Variants in MYOF observed in about 807,000 individuals in gnomAD.
MYOF encodes fer-1-like 3, myoferlin.
In MYOF, 244 loss-of-function variants were observed where a neutral mutation model predicts 284.2. The ratio of observed to expected loss-of-function variants is 0.86; its 90% CI spans 0.77 to 0.95. The LOEUF (loss-of-function observed/expected upper bound fraction) is 0.95, where lower values mean the gene tolerates loss of function less well. Among genes scored for constraint, MYOF ranks in the 40% least tolerant of loss-of-function variants. The pLI is 0.00. For missense variants in MYOF, 2,496 were observed against 2,560.6 expected, an observed-to-expected ratio of 0.97 and a Z score of 0.54; for synonymous variants, 904 against 919.7, an observed-to-expected ratio of 0.98 and a Z score of 0.31.
At chr10:93,412,931 C>G (rs539570482) in intron 5 of MYOF, among the ~76,000 whole-genome samples, 1 of 152,104 alleles carries the variant, frequency 6.6e-6, no homozygotes, top group Non-Finnish European at 1.5e-5. Context: ...TGTCCTGGAC[C>G]GAGCAATGGC....
At chr10:93,314,635 A>G (rs1183697704) in intron 50 of MYOF, among the ~76,000 whole-genome samples, 1 of 152,104 alleles carries the variant, frequency 6.6e-6, no homozygotes, top group Non-Finnish European at 1.5e-5. Context: ...AAGACACGTG[A>G]CCTTAGCCTT....
rs756576134 is a variant in MYOF, at chr10:93,389,146, C to G, written c.1465G>C (p.Gly489Arg). The G allele has an allele frequency of 6.2e-7, 1 of 1,613,010 alleles. No homozygotes were observed. The highest frequency in any genetic ancestry group is 1.7e-5 in the Admixed American group (1 of 59,822). Residue 489 changes from glycine (G) to arginine (R), a missense_variant, in exon 18 of 54, where the codon GGA (glycine) becomes CGA (arginine). By Grantham distance (125) the Gly-to-Arg change is moderately radical. Transcript: ENST00000359263. Reference protein sequence around the residue: ...TGAASYTVNTGETEVGFVPTF... With the variant: ...TGAASYTVNTRETEVGFVPTF... ...GGAACAAAGCCTACCTCTGTTTCTC[C>G]TGTGTTTACTGAGAGAGAAACATCA...
At chr10:93,458,305 A>G (rs535399396) in intron 1 of MYOF, among the ~76,000 whole-genome samples, 61 of 152,180 alleles carry the variant, frequency 4.0e-4, no homozygotes, top group Non-Finnish European at 7.8e-4. Context: ...GTGAGCCAAG[A>G]TCACACCACT....
intron 4 of MYOF, among the ~76,000 whole-genome samples, chr10:93,430,862 T>G (rs1848812400): frequency 6.6e-6 from 1 of 152,026 alleles, no homozygotes; most frequent in Non-Finnish European, 1.5e-5. Context: ...ACGGGCCCAG[T>G]TTTTTATTTA....
chr10:93,441,561 C>CTT (rs148461507), intron 3 of MYOF, among the ~76,000 whole-genome samples: 28 of 125,052 alleles, frequency 2.2e-4, no homozygotes, highest in Middle Eastern at 4.3e-3. Context: ...ATTTTTGTAT[C>CTT]TTTTTTTTTT....
At position 93,351,588 on chromosome 10, in the gene MYOF, A is replaced by T. The variant is rs1189689044; in HGVS notation, c.3664-17T>A. On this transcript the variant is annotated splice_polypyrimidine_tract_variant and intron_variant, in intron 33 of 53. Coordinates refer to ENST00000359263, the MANE Select transcript of MYOF (RefSeq NM_013451.4). The stretch of plus-strand genomic sequence containing the variant: ...ATCTTTGCCCTAGAGAAACAAAGTG[A>T]TCCTTAAATTCCCCGACAATCATCC... The T allele has an allele frequency of 4.3e-6, 7 of 1,612,574 alleles. No individual in the cohort carries two copies. Among genetic ancestry groups the T allele is most frequent in the Non-Finnish European group, 5.1e-6 (6 of 1,179,172 alleles).
intron 29 of MYOF, among the ~76,000 whole-genome samples, chr10:93,357,240 A>AT (rs1844848695): frequency 6.6e-6 from 1 of 152,236 alleles, no homozygotes; most frequent in African/African-American, 2.4e-5. Flanking sequence ...TCCATTTTAC[A>AT]TATGTAGGAA....
chr10:93,346,924 C>T (rs985228278), intron 37 of MYOF, among the ~76,000 whole-genome samples: 2 of 152,166 alleles, frequency 1.3e-5, no homozygotes, highest in African/African-American at 4.8e-5. Flanking sequence ...GACTTCATCC[C>T]CATCACTGAT....
At chr10:93,322,181 T>C (rs1842869542) in intron 48 of MYOF, among the ~76,000 whole-genome samples, 1 of 152,220 alleles carries the variant, frequency 6.6e-6, no homozygotes, top group African/African-American at 2.4e-5. Context: ...AAAGTTTTGA[T>C]TGAAGGCCAC....
At chr10:93,410,170 C>A (rs574354120) in intron 5 of MYOF, among the ~76,000 whole-genome samples, 1 of 152,150 alleles carries the variant, frequency 6.6e-6, no homozygotes. Flanking sequence ...TGCTCGTGAT[C>A]TATTTGTACT....
intron 1 of MYOF, among the ~76,000 whole-genome samples, chr10:93,478,840 A>AAAAGAAAGAAAG (rs1333378368): frequency 3.8e-5 from 3 of 78,046 alleles, no homozygotes; most frequent in African/African-American, 5.1e-5. Flanking sequence ...AAAAAAAAAA[A>AAAAGAAAGAAAG]AAAGAAAGAA....
In MYOF at chr10:93,426,150, A is replaced by G. The variant is rs368513211; in HGVS notation, c.354T>C (p.Ile118=). Reference sequence around the variant, plus strand: ...GCGGATCATAGCCGATCACCAAGTCAATGGTGGCCTGGGTAGAAATAATTC... The same window carrying G: ...GCGGATCATAGCCGATCACCAAGTCGATGGTGGCCTGGGTAGAAATAATTC... ...NEKGQDTGAT[I]DLVIGYDPPS... Residue 118 remains isoleucine (I), a synonymous_variant, in exon 5 of 54, where the codon ATT becomes ATC. Transcript: ENST00000359263. The G allele has an allele frequency of 1.3e-5, 21 of 1,557,672 alleles. No individual in the cohort carries two copies. Among genetic ancestry groups the G allele is most frequent in the Non-Finnish European group, 1.7e-5 (20 of 1,149,930 alleles).
intron 50 of MYOF, among the ~76,000 whole-genome samples, chr10:93,313,804 G>C (rs1842494931): frequency 6.6e-6 from 1 of 152,082 alleles, no homozygotes; most frequent in South Asian, 2.1e-4. Flanking sequence ...AAGAGGCTGA[G>C]GCACAAGAAT....
chr10:93,339,553 T>C (rs11187386), intron 39 of MYOF, among the ~76,000 whole-genome samples: 37,637 of 151,708 alleles, frequency 0.25, 6,409 homozygotes, highest in East Asian at 0.89. Flanking sequence ...CATTGCAACC[T>C]CCACCTCCCA....
At position 93,332,525 on chromosome 10, in the gene MYOF, T is replaced by A. The variant is rs145260461; in HGVS notation, c.4811+696A>T. On this transcript the variant is annotated intron_variant, in intron 43 of 53. Transcript: ENST00000359263. ...GTGAGCCATCGTGCCTGGCCCTCAC[T>A]CTTCTCTTAAAAGCTAAGTACATTA... 1.4e-4 allele frequency among the ~76,000 whole-genome samples: 21 copies of A among 151,398 alleles called. No homozygotes were observed. In the East Asian group the frequency reaches 4.0e-3, roughly 29 times the overall value.
chr10:93,394,787 T>C (rs1262357039), intron 16 of MYOF, among the ~76,000 whole-genome samples: 1 of 150,774 alleles, frequency 6.6e-6, no homozygotes, highest in Non-Finnish European at 1.5e-5. Flanking sequence ...TTGCTTTTTT[T>C]TTTCACTTCT....
intron 25 of MYOF, among the ~76,000 whole-genome samples, chr10:93,367,814 G>A (rs1442529443): frequency 1.3e-5 from 2 of 151,938 alleles, no homozygotes; most frequent in African/African-American, 2.4e-5. Context: ...CAGAAATCTC[G>A]GGGGTGGGGG....
intron 50 of MYOF, among the ~76,000 whole-genome samples, chr10:93,314,452 T>C (rs1412987362): frequency 2.6e-5 from 4 of 152,198 alleles, no homozygotes; most frequent in Non-Finnish European, 5.9e-5. Context: ...TGGGAACTCC[T>C]GTGAGCCCTT....
At chr10:93,334,314 C>A (rs1843495661) in intron 41 of MYOF, among the ~76,000 whole-genome samples, 1 of 151,454 alleles carries the variant, frequency 6.6e-6, no homozygotes, top group African/African-American at 2.4e-5. Context: ...ACCTCCCACT[C>A]CCAGGCAAAC....
Sources: allele counts gnomAD v4.1 joint callset (sites outside exome capture counted in the v4.1 genomes callset), GRCh38; gene constraint gnomAD v4.1.1; transcripts MANE v1.5; gene names NCBI Gene and HGNC (gene_info 2026-07-23, HGNC 2026-07-21).